Variants in CACNA2D3 observed in about 807,000 individuals in gnomAD.
CACNA2D3 encodes the protein voltage-dependent calcium channel subunit alpha-2/delta-3.
In CACNA2D3, 60 loss-of-function variants were observed where a neutral mutation model predicts 160.6. That is an observed-to-expected ratio of 0.37 (90% confidence interval 0.30 to 0.46). CACNA2D3 has a LOEUF of 0.46. Among genes scored for constraint, CACNA2D3 ranks in the 20% least tolerant of loss-of-function variants. The pLI, the probability that CACNA2D3 is intolerant of heterozygous loss-of-function variation, is 1.00. For synonymous variants in CACNA2D3, 558 were observed against 492.9 expected, an observed-to-expected ratio of 1.13 and a Z score of -1.75; for missense variants, 1,205 against 1,365.0, an observed-to-expected ratio of 0.88 and a Z score of 1.85.
At chr3:54,930,628 A>G (rs1701163950) in intron 27 of CACNA2D3, among the ~76,000 whole-genome samples, 1 of 152,238 alleles carries the variant, frequency 6.6e-6, no homozygotes, top group African/African-American at 2.4e-5. Context: ...TAAATGAAGA[A>G]GCACACTTTC....
chr3:54,885,687 G>GCCAAA (rs1411880541), intron 23 of CACNA2D3, 101 bp downstream of exon 23: 42 of 775,052 alleles, frequency 5.4e-5, no homozygotes, highest in Non-Finnish European at 8.7e-5. Flanking sequence ...GCTTTGCTTT[G>GCCAAA]GCAGAGATTA....
chr3:54,614,794 G>A (rs1021702824), intron 9 of CACNA2D3, among the ~76,000 whole-genome samples: 1 of 152,100 alleles, frequency 6.6e-6, no homozygotes, highest in Non-Finnish European at 1.5e-5. Flanking sequence ...TTGGTAGCAA[G>A]TCTGAAGAGA....
intron 2 of CACNA2D3, among the ~76,000 whole-genome samples, chr3:54,180,232 A>G (rs560488901): frequency 9.9e-5 from 15 of 152,170 alleles, no homozygotes; most frequent in African/African-American, 3.4e-4. Flanking sequence ...CAACAGTGGC[A>G]GGAGGTGACT....
chr3:55,003,158 G>T (rs1703019499), intron 31 of CACNA2D3, among the ~76,000 whole-genome samples: 1 of 152,130 alleles, frequency 6.6e-6, no homozygotes, highest in African/African-American at 2.4e-5. Context: ...TTCTAGAAAG[G>T]AATTCCTGTG....
rs951896903 is a variant in CACNA2D3, at chr3:54,285,717, T to A, written c.205-34725T>A. Among the ~76,000 whole-genome samples, 5 of 152,258 alleles carry A rather than the reference T, an allele frequency of 3.3e-5. No homozygotes were observed. The South Asian group carries it at 1.0e-3, about 32-fold the overall frequency. ...ACAGACACATCACACGGCCGGGAACTCCTCTGAGACAAAACTTCCAGAGGA... is the reference window on the plus strand; with the variant it reads ...ACAGACACATCACACGGCCGGGAACACCTCTGAGACAAAACTTCCAGAGGA... On this transcript the variant is annotated intron_variant, in intron 2 of 37. Transcript: ENST00000474759.
intron 4 of CACNA2D3, among the ~76,000 whole-genome samples, chr3:54,445,458 C>T (rs775097462): frequency 6.6e-6 from 1 of 151,874 alleles, no homozygotes; most frequent in African/African-American, 2.4e-5. Flanking sequence ...ATAAAAGCAA[C>T]TTGTAAGAGA....
chr3:54,255,884 C>T (rs1050341924), intron 2 of CACNA2D3, among the ~76,000 whole-genome samples: 2 of 152,070 alleles, frequency 1.3e-5, no homozygotes, highest in African/African-American at 4.8e-5. Flanking sequence ...ATTTTACCCC[C>T]CTGTATAGAA....
chr3:54,616,277 T>A (rs1053000894), intron 9 of CACNA2D3, among the ~76,000 whole-genome samples: 1 of 152,150 alleles, frequency 6.6e-6, no homozygotes, highest in Non-Finnish European at 1.5e-5. Context: ...GGAAGATCCA[T>A]GTCTAAGCTA....
At chr3:54,539,130 G>A (rs938709979) in intron 5 of CACNA2D3, among the ~76,000 whole-genome samples, 1 of 152,102 alleles carries the variant, frequency 6.6e-6, no homozygotes, top group African/African-American at 2.4e-5. Context: ...CAGTTGTGTC[G>A]GCCGTGTTCA....
intron 11 of CACNA2D3, among the ~76,000 whole-genome samples, chr3:54,645,236 C>T (rs1699611983): frequency 6.6e-6 from 1 of 152,014 alleles, no homozygotes; most frequent in South Asian, 2.1e-4. Context: ...CATTAAATCT[C>T]ATGAGAACTC....
chr3:54,946,758 C>A (rs1273115091), intron 27 of CACNA2D3, among the ~76,000 whole-genome samples: 1 of 151,336 alleles, frequency 6.6e-6, no homozygotes, highest in Non-Finnish European at 1.5e-5. Context: ...CTTAAACACC[C>A]GAAATCATGG....
chr3:54,539,733 C>A, intron 5 of CACNA2D3, among the ~76,000 whole-genome samples: 1 of 152,216 alleles, frequency 6.6e-6, no homozygotes, highest in African/African-American at 2.4e-5. Flanking sequence ...GCAGGCAGCT[C>A]ACAAATTGTG....
At chr3:54,351,537 G>T (rs1698565679) in intron 3 of CACNA2D3, among the ~76,000 whole-genome samples, 1 of 152,144 alleles carries the variant, frequency 6.6e-6, no homozygotes, top group Admixed American at 6.5e-5. Flanking sequence ...AAGGGTAGTT[G>T]TGTTGTAATA....
At position 54,750,596 on chromosome 3, in the gene CACNA2D3, A is replaced by C. The variant is rs143814471; in HGVS notation, c.1168-2003A>C. Among the ~76,000 whole-genome samples the C allele has an allele frequency of 5.8e-3, 876 of 152,260 alleles. 15 individuals carry two copies. Among genetic ancestry groups the C allele is most frequent in the African/African-American group, 0.02 (837 of 41,562 alleles). ...CCTGAGGTCTTAGAAGTCTTCTCTC[A>C]TGAGCTGCAACTTTGATGAAATGAA... On this transcript the variant is annotated intron_variant, in intron 11 of 37. Transcript: ENST00000474759.
chr3:54,371,946 A>C (rs2107549613), intron 3 of CACNA2D3, among the ~76,000 whole-genome samples: 1 of 152,366 alleles, frequency 6.6e-6, no homozygotes, highest in Non-Finnish European at 1.5e-5. Flanking sequence ...TTTGTCTACT[A>C]TAGAAATGTT....
At chr3:54,498,818 A>AT (rs1235966677) in intron 4 of CACNA2D3, among the ~76,000 whole-genome samples, 7 of 151,628 alleles carry the variant, frequency 4.6e-5, no homozygotes, top group African/African-American at 1.7e-4. Flanking sequence ...TTCCCATGTC[A>AT]TTTTTTTCCT....
intron 4 of CACNA2D3, among the ~76,000 whole-genome samples, chr3:54,421,176 G>A (rs1184068584): frequency 1.3e-5 from 2 of 152,212 alleles, no homozygotes; most frequent in African/African-American, 4.8e-5. Flanking sequence ...TGGTGTGTGG[G>A]AACATATCTA....
chr3:54,360,407 C>CAG (rs1357810164), intron 3 of CACNA2D3, among the ~76,000 whole-genome samples: 1 of 152,188 alleles, frequency 6.6e-6, no homozygotes, highest in East Asian at 1.9e-4. Flanking sequence ...ATAAAAGTGA[C>CAG]AGAGACTGGG....
At chr3:54,349,916 G>C in intron 3 of CACNA2D3, among the ~76,000 whole-genome samples, 1 of 152,204 alleles carries the variant, frequency 6.6e-6, no homozygotes, top group East Asian at 1.9e-4. Flanking sequence ...CTGCCATGAC[G>C]TAAATTCTCT....
Sources: gnomAD v4.1 joint callset for allele counts (sites outside exome capture counted in the v4.1 genomes callset) on GRCh38, gnomAD v4.1.1 for gene constraint, MANE v1.5 for transcripts, NCBI Gene and HGNC (gene_info 2026-07-23, HGNC 2026-07-21) for gene names.